PLAAT5: variants seen among roughly 807,000 people sequenced by gnomAD.
PLAAT5 encodes Ca(2+)-independent N-acyltransferase.
In PLAAT5, 27 loss-of-function variants were observed where a neutral mutation model predicts 27.8. That is an observed-to-expected ratio of 0.97 (90% CI 0.72 to 1.34). The LOEUF (loss-of-function observed/expected upper bound fraction) is 1.34. PLAAT5 is among the 40% of genes most tolerant of loss of function. The probability of loss-of-function intolerance (pLI) is 0.00; values close to 1 mark genes in which losing one functional copy is unlikely to be tolerated. For missense variants in PLAAT5, 368 were observed against 343.8 expected (o/e 1.07, Z -0.56); for synonymous variants, 125 against 136.1 (o/e 0.92, Z 0.57).
intron 3 of PLAAT5, among the ~76,000 whole-genome samples, chr11:63,479,087 G>A (rs1043964680): frequency 3.9e-5 from 6 of 152,178 alleles, no homozygotes; most frequent in African/African-American, 4.8e-5. Context: ...CATAAGCCCA[G>A]GGAAAGCAGT....
chr11:63,482,690 T>C (rs1172885509), intron 3 of PLAAT5, among the ~76,000 whole-genome samples: 5 of 151,936 alleles, frequency 3.3e-5, no homozygotes, highest in Admixed American at 6.6e-5. Context: ...TATAAAATAA[T>C]AACACAATTT....
At chr11:63,475,162 T>TC in intron 3 of PLAAT5, among the ~76,000 whole-genome samples, 1 of 152,098 alleles carries the variant, frequency 6.6e-6, no homozygotes. Flanking sequence ...GTCAGTTAGA[T>TC]CATGTCAGTT....
chr11:63,477,223 G>A (rs767018341), intron 3 of PLAAT5, among the ~76,000 whole-genome samples: 1 of 152,140 alleles, frequency 6.6e-6, no homozygotes, highest in Non-Finnish European at 1.5e-5. Context: ...GTTTTTGTGT[G>A]TATGGGTCCC....
chr11:63,464,118 G>C (rs1590601492), intron 5 of PLAAT5, among the ~76,000 whole-genome samples: 1 of 152,188 alleles, frequency 6.6e-6, no homozygotes, highest in Non-Finnish European at 1.5e-5. Context: ...CCAAGCCCCG[G>C]ACACTAGAGA....
chr11:63,466,188 G>A lies in PLAAT5; in HGVS notation c.639C>T (p.Ile213=), dbSNP rs577620226. The change falls in exon 5 of 6, where the codon ATC becomes ATT. Residue 213 remains isoleucine, a synonymous_variant. Transcript: ENST00000540857. ...TCCCTTCAATCAGGCTGTACTGCAC[G>A]ATCTTGTTGACCATCTTTTTTGTAC... ...IQRTKKMVNK[I]VQYSLIEGNC... is the part of the protein sequence containing the mutation. The A allele has an allele frequency of 1.4e-5, 23 of 1,614,132 alleles. No individual in the cohort carries two copies. The South Asian group carries it at 1.5e-4, about 11-fold the overall frequency.
rs575162542 is a variant in PLAAT5, at chr11:63,488,891, A to T, written c.325T>A (p.Leu109Ile). 1 of 1,613,174 alleles carries T rather than the reference A, an allele frequency of 6.2e-7. No individual in the cohort carries two copies. The highest frequency in any genetic ancestry group is 1.3e-5 in the African/African-American group (1 of 74,958). The change falls in exon 3 of 6, where the codon TTA (leucine) becomes ATA (isoleucine). Residue 109 changes from leucine to isoleucine, a missense_variant. Coordinates refer to ENST00000540857, the MANE Select transcript of PLAAT5 (RefSeq NM_001146729.2). Reference sequence around the variant, plus strand: ...CCTACCTCAGCTGCTTGCTTTATTAACTTGCCTTCATTCTCAGGCTTTGGA... The same window carrying T: ...CCTACCTCAGCTGCTTGCTTTATTATCTTGCCTTCATTCTCAGGCTTTGGA... ...SIPKPENEGK[L>I]IKQAAEGKPR...
intron 1 of PLAAT5, 34 bp from the exon 2 acceptor site, chr11:63,490,367 T>G: frequency 6.2e-7 from 1 of 1,614,008 alleles, no homozygotes; most frequent in Non-Finnish European, 8.5e-7. Flanking sequence ...TTTAGACCTG[T>G]GAAAGGAGAG....
intron 3 of PLAAT5, among the ~76,000 whole-genome samples, chr11:63,471,771 A>G (rs527287148): frequency 1.4e-4 from 21 of 152,244 alleles, no homozygotes; most frequent in Non-Finnish European, 3.1e-4. Context: ...TTCTGATTTA[A>G]GATTACAGGT....
chr11:63,469,353 G>T (rs2015959155), intron 3 of PLAAT5: 1 of 242,548 alleles, frequency 4.1e-6, no homozygotes, highest in African/African-American at 2.3e-5. Context: ...AAGATGTTAG[G>T]ACTCCGCTGG....
intron 3 of PLAAT5, among the ~76,000 whole-genome samples, chr11:63,486,597 G>A (rs528385528): frequency 2.0e-5 from 3 of 152,086 alleles, no homozygotes; most frequent in Admixed American, 2.0e-4. Context: ...ACTTATAAGT[G>A]GGGGCTAGCT....
chr11:63,479,952 C>G (rs1032842720), intron 3 of PLAAT5, among the ~76,000 whole-genome samples: 1 of 152,194 alleles, frequency 6.6e-6, no homozygotes, highest in Admixed American at 6.5e-5. Context: ...TACTCTTGAA[C>G]TAACCCCTGA....
chr11:63,483,274 A>C (rs2016327007), intron 3 of PLAAT5, among the ~76,000 whole-genome samples: 4 of 152,158 alleles, frequency 2.6e-5, no homozygotes, highest in Admixed American at 2.6e-4. Context: ...AGATATTTAC[A>C]GAACATTCCA....
chr11:63,467,860 T>C (rs889350326), intron 4 of PLAAT5, among the ~76,000 whole-genome samples: 9 of 152,230 alleles, frequency 5.9e-5, no homozygotes, highest in Admixed American at 5.9e-4. Context: ...AAAAGAGGGC[T>C]GTATCTACAT....
At position 63,463,437 on chromosome 11, in the gene PLAAT5, G is replaced by C. The variant is rs2282479; in HGVS notation, c.*66C>G. Reference sequence around the variant, plus strand: ...AATCGGAGCCATTGAGAGAAGGCAAGGGAAGGAAGCATGTTCTTTTTGCTT... The same window carrying C: ...AATCGGAGCCATTGAGAGAAGGCAACGGAAGGAAGCATGTTCTTTTTGCTT... On this transcript the variant is annotated 3_prime_UTR_variant, in exon 6 of 6. Transcript: ENST00000540857. 33,617 of 1,224,936 alleles carry C rather than the reference G, an allele frequency of 0.027. 1,940 individuals carry two copies. Among genetic ancestry groups the C allele is most frequent in the Admixed American group, 0.17 (9,944 of 59,102 alleles). The allele number at this position is 1,224,936 out of a possible 1,614,324, so 75.9% of individuals were successfully genotyped here.
intron 5 of PLAAT5, among the ~76,000 whole-genome samples, chr11:63,464,428 C>T (rs917864066): frequency 6.6e-6 from 1 of 152,140 alleles, no homozygotes; most frequent in Non-Finnish European, 1.5e-5. Flanking sequence ...GAGGCTGAGG[C>T]GTGTGGGTCA....
intron 5 of PLAAT5, among the ~76,000 whole-genome samples, chr11:63,465,703 C>T (rs1238321723): frequency 2.0e-5 from 3 of 151,864 alleles, no homozygotes; most frequent in East Asian, 1.9e-4. Flanking sequence ...GGCAGGAGGA[C>T]GGCCTGAGCC....
At chr11:63,471,642 G>A (rs1439468625) in intron 3 of PLAAT5, among the ~76,000 whole-genome samples, 1 of 152,142 alleles carries the variant, frequency 6.6e-6, no homozygotes, top group Admixed American at 6.5e-5. Context: ...TGAAGCAAGA[G>A]GTAAGTGTTC....
rs1403534855 is a variant in PLAAT5 at position 63,463,051 on chromosome 11, G to T, written c.*452C>A. 6.3e-6 allele frequency: 1 copy of T among 158,500 alleles called. No individual in the cohort carries two copies. Among genetic ancestry groups the T allele is most frequent in the Non-Finnish European group, 1.4e-5 (1 of 71,646 alleles). 9.8% of individuals were successfully genotyped at this position (158,500 alleles called of 1,614,324 possible). A position where few individuals can be genotyped will look rare whatever the true frequency, so the allele number is the denominator to read the frequency against. On this transcript the variant is annotated 3_prime_UTR_variant, in exon 6 of 6. Coordinates refer to ENST00000540857, the MANE Select transcript of PLAAT5 (RefSeq NM_001146729.2). ...CTACACTGTGGGTCGAAAAGGGCAGGATTATCATAAATGGAAAGAAGCTAG... is the reference window on the plus strand; with the variant it reads ...CTACACTGTGGGTCGAAAAGGGCAGTATTATCATAAATGGAAAGAAGCTAG...
intron 3 of PLAAT5, among the ~76,000 whole-genome samples, chr11:63,477,852 T>TTA (rs777719013): frequency 6.6e-6 from 1 of 152,190 alleles, no homozygotes; most frequent in Non-Finnish European, 1.5e-5. Flanking sequence ...CGCGAAGGCT[T>TTA]TACCTTTTGT....
Sources: gnomAD v4.1 joint callset for allele counts (sites outside exome capture counted in the v4.1 genomes callset) on GRCh38, gnomAD v4.1.1 for gene constraint, MANE v1.5 for transcripts, NCBI Gene and HGNC (gene_info 2026-07-23, HGNC 2026-07-21) for gene names.